The following ALDH1L1 variants were observed in gnomAD, a reference collection of about 807,000 sequenced individuals.
The protein encoded by ALDH1L1 is aldehyde dehydrogenase 1 family member L1, also known as cytosolic 10-formyltetrahydrofolate dehydrogenase.
In ALDH1L1, 68 loss-of-function variants were observed where a neutral mutation model predicts 101.1. The ratio of observed to expected loss-of-function variants is 0.67; its 90% CI spans 0.55 to 0.82. ALDH1L1 has a LOEUF of 0.82. Ranked by LOEUF, ALDH1L1 falls within the 40% of genes least tolerant of loss-of-function variation. ALDH1L1 has a pLI of 0.00. For synonymous variants in ALDH1L1, 486 were observed against 470.8 expected (o/e 1.03, Z -0.42); for missense variants, 1,087 against 1,172.7 (o/e 0.93, Z 1.07).
At chr3:126,117,774 G>A (rs181861852) in intron 17 of ALDH1L1, among the ~76,000 whole-genome samples, 29 of 152,270 alleles carry the variant, frequency 1.9e-4, no homozygotes, top group Admixed American at 1.4e-3. Context: ...AGCACCTCTC[G>A]ATCCAGCCCC....
chr3:126,134,435 T>C (rs564138767), intron 12 of ALDH1L1, among the ~76,000 whole-genome samples: 4 of 152,326 alleles, frequency 2.6e-5, no homozygotes, highest in Admixed American at 6.5e-5. Context: ...CCACCTGTCG[T>C]GCTTGTTTCA....
upstream of ALDH1L1, among the ~76,000 whole-genome samples, chr3:126,185,587 A>G (rs997099974): frequency 3.4e-5 from 5 of 148,248 alleles, no homozygotes; most frequent in African/African-American, 7.9e-5. Flanking sequence ...GCATTGGTGC[A>G]TGGAGGTGGG....
chr3:126,127,757 C>T (rs1356200214), intron 14 of ALDH1L1, among the ~76,000 whole-genome samples: 1 of 152,232 alleles, frequency 6.6e-6, no homozygotes, highest in Non-Finnish European at 1.5e-5. Context: ...CGTGCAGGCA[C>T]AGTGAGGGTG....
rs188910481 is a variant in ALDH1L1, at chr3:126,105,301, C to T, written c.2653+425G>A. On this transcript the variant is annotated intron_variant, in intron 22 of 22. Coordinates refer to ENST00000393434, the MANE Select transcript of ALDH1L1 (RefSeq NM_012190.4). ...CAGGCCTTCTCTCCTCCCTCCTGCT[C>T]CCCCTTGGCCCACTCCCACCACTCT... 8.0e-3 allele frequency: 2,421 copies of T among 302,734 alleles called. 10 individuals carry two copies. Among genetic ancestry groups the T allele is most frequent in the Non-Finnish European group, 0.011 (1,681 of 153,928 alleles). The allele number at this position is 302,734 out of a possible 1,614,324, so 18.8% of individuals were successfully genotyped here.
At chr3:126,125,284 A>C (rs1457418369) in intron 15 of ALDH1L1, among the ~76,000 whole-genome samples, 1 of 152,190 alleles carries the variant, frequency 6.6e-6, no homozygotes, top group Non-Finnish European at 1.5e-5. Flanking sequence ...TAGACTACTC[A>C]GGCTGTCTTA....
At chr3:126,161,703 T>G (rs1199045049) in intron 1 of ALDH1L1, among the ~76,000 whole-genome samples, 1 of 151,788 alleles carries the variant, frequency 6.6e-6, no homozygotes, top group East Asian at 2.0e-4. Context: ...TAAATTGTCC[T>G]TTTACGAAAA....
intron 4 of ALDH1L1, chr3:126,156,478 G>C (rs747828852): frequency 6.6e-6 from 1 of 152,354 alleles, no homozygotes; most frequent in Non-Finnish European, 1.5e-5. Flanking sequence ...CAAACAGCAA[G>C]GGCTCCCCAG....
chr3:126,112,413 C>A (rs1946108394), intron 19 of ALDH1L1, among the ~76,000 whole-genome samples: 1 of 152,190 alleles, frequency 6.6e-6, no homozygotes. Context: ...AGACCAGGCT[C>A]TTGCTCCATT....
intron 11 of ALDH1L1, among the ~76,000 whole-genome samples, chr3:126,136,541 C>A (rs1011155403): frequency 6.6e-6 from 1 of 152,100 alleles, no homozygotes; most frequent in Non-Finnish European, 1.5e-5. Flanking sequence ...AGGTGCAAGA[C>A]CCTTCCGAGC....
At chr3:126,164,129 T>G (rs1355557705) in intron 1 of ALDH1L1, among the ~76,000 whole-genome samples, 1 of 149,688 alleles carries the variant, frequency 6.7e-6, no homozygotes, top group Non-Finnish European at 1.5e-5. Context: ...AGACTATGTC[T>G]CAAAAAAAAA....
chr3:126,131,487 T>A lies in ALDH1L1; in HGVS notation c.1520A>T (p.Glu507Val), dbSNP rs2080304130. 3.1e-6 allele frequency: 5 copies of A among 1,613,082 alleles called. No homozygotes were observed. The highest frequency in any genetic ancestry group is 3.4e-6 in the Non-Finnish European group (4 of 1,179,220). The change falls in exon 13 of 23, where the codon GAG becomes GTG. Residue 507 changes from glutamate (E) to valine (V), a missense_variant. Glu to Val is a moderately radical substitution (Grantham distance 121). Transcript: ENST00000393434. ...EQHQEELATI[E>V]ALDAGAVYTL... ...GTAGACGGCACCCGCATCCAGGGCC[T>A]CAATGGTGGCCAGCTCCTCCTGGTG...
At chr3:126,132,683 T>C (rs2080338474) in intron 12 of ALDH1L1, among the ~76,000 whole-genome samples, 1 of 152,200 alleles carries the variant, frequency 6.6e-6, no homozygotes, top group Non-Finnish European at 1.5e-5. Context: ...TCCCCAACCA[T>C]GTTCTGACTG....
Position 126,157,371 on chromosome 3 carries a change from A to G in ALDH1L1, c.500T>C (p.Phe167Ser). The part of the protein sequence containing the change: ...DDTVSTLYNR[F>S]LFPEGIKGMV... ...CCCTTTGATGCCTTCAGGGAAGAGG[A>G]AGCGGTTGTACAGCGTGCTCACGGT... The change falls in exon 4 of 23, where the codon TTC becomes TCC. Residue 167 changes from phenylalanine (F) to serine (S), a missense_variant. Coordinates refer to ENST00000393434, the MANE Select transcript of ALDH1L1 (RefSeq NM_012190.4). 1.2e-6 allele frequency: 2 copies of G among 1,613,676 alleles called. No homozygotes were observed. The highest frequency in any genetic ancestry group is 3.3e-5 in the Admixed American group (2 of 59,980).
chr3:126,185,354 G>A (rs1204886203), upstream of ALDH1L1, among the ~76,000 whole-genome samples: 6 of 152,230 alleles, frequency 3.9e-5, no homozygotes, highest in African/African-American at 1.4e-4. Context: ...AGGCAGGGAC[G>A]GTGTCTCTAC....
Position 126,157,366 on chromosome 3 carries a change from A to G in ALDH1L1, c.505T>C (p.Phe169Leu). Residue 169 changes from phenylalanine (F) to leucine (L), a missense_variant, in exon 4 of 23, where the codon TTC becomes CTC. Phe to Leu is a conservative substitution (Grantham distance 22). Coordinates refer to ENST00000393434, the MANE Select transcript of ALDH1L1 (RefSeq NM_012190.4). ...ACCATCCCTTTGATGCCTTCAGGGA[A>G]GAGGAAGCGGTTGTACAGCGTGCTC... Reference protein sequence around the residue: ...TVSTLYNRFLFPEGIKGMVQA... With the variant: ...TVSTLYNRFLLPEGIKGMVQA... 6.2e-7 allele frequency: 1 copy of G among 1,613,748 alleles called. No homozygotes were observed. The highest frequency in any genetic ancestry group is 1.1e-5 in the South Asian group (1 of 91,016).
chr3:126,139,120 G>C (rs1421430446), intron 9 of ALDH1L1, among the ~76,000 whole-genome samples: 1 of 152,262 alleles, frequency 6.6e-6, no homozygotes, highest in Non-Finnish European at 1.5e-5. Context: ...CCAGCATTGT[G>C]TCCTGAGCAC....
chr3:126,188,045 G>A (rs2081531310), intron 1 of ALDH1L1, among the ~76,000 whole-genome samples: 1 of 152,184 alleles, frequency 6.6e-6, no homozygotes, highest in Admixed American at 6.5e-5. Flanking sequence ...ACAGAAAGTG[G>A]AAGTGAGGCA....
chr3:126,113,808 GCAA>G (rs1439557970), intron 18 of ALDH1L1, among the ~76,000 whole-genome samples: 1 of 152,220 alleles, frequency 6.6e-6, no homozygotes, highest in Non-Finnish European at 1.5e-5. Flanking sequence ...CAGGACCAAG[GCAA>G]CAACAATACT....
chr3:126,107,343 G>C (rs888759135), intron 20 of ALDH1L1, 97 bp from the exon 21 acceptor site: 1 of 964,574 alleles, frequency 1.0e-6, no homozygotes, highest in South Asian at 1.3e-5. Flanking sequence ...AGCCACCTGC[G>C]GATGACCCGA....
Sources: gnomAD v4.1 joint callset for allele counts (sites outside exome capture counted in the v4.1 genomes callset) on GRCh38, gnomAD v4.1.1 for gene constraint, MANE v1.5 for transcripts, NCBI Gene and HGNC (gene_info 2026-07-23, HGNC 2026-07-21) for gene names.